The following SERINC5 variants were observed in gnomAD, a reference collection of about 807,000 sequenced individuals.
SERINC5 encodes serine incorporator 5, also known as chromosome 5 open reading frame 12.
Under a neutral mutation model 63.1 loss-of-function variants are expected in SERINC5, and 41 were observed. The ratio of observed to expected loss-of-function variants is 0.65; its 90% CI spans 0.51 to 0.84. The LOEUF (loss-of-function observed/expected upper bound fraction) is 0.84. SERINC5 is among the 40% of genes least tolerant of loss of function. The probability of loss-of-function intolerance (pLI) is 0.00; values close to 1 mark genes in which losing one functional copy is unlikely to be tolerated. For synonymous variants in SERINC5, 222 were observed against 215.2 expected (o/e 1.03, Z -0.28); for missense variants, 523 against 573.0 (o/e 0.91, Z 0.89).
chr5:80,124,803 C>T (rs1213574327), intron 11 of SERINC5, among the ~76,000 whole-genome samples: 1 of 152,154 alleles, frequency 6.6e-6, no homozygotes, highest in Non-Finnish European at 1.5e-5. Context: ...ACTGAACCAC[C>T]TTGGGTCAGG....
intron 2 of SERINC5, among the ~76,000 whole-genome samples, chr5:80,178,509 C>T (rs566619326): frequency 4.6e-4 from 68 of 148,988 alleles, no homozygotes; most frequent in South Asian, 1.1e-3. Context: ...ACTACAGGCA[C>T]GCACCACCAT....
At chr5:80,148,998 T>C (rs1266297339) in intron 9 of SERINC5, among the ~76,000 whole-genome samples, 1 of 152,208 alleles carries the variant, frequency 6.6e-6, no homozygotes, top group Non-Finnish European at 1.5e-5. Flanking sequence ...CTTAGTTATT[T>C]TGAAGTTCAA....
chr5:80,181,556 C>T (rs746947579), intron 2 of SERINC5, among the ~76,000 whole-genome samples: 1 of 152,126 alleles, frequency 6.6e-6, no homozygotes, highest in Non-Finnish European at 1.5e-5. Context: ...AGCCACTGTA[C>T]CTGGCCAGCT....
At chr5:80,245,920 G>A (rs1458711485) in intron 1 of SERINC5, among the ~76,000 whole-genome samples, 5 of 131,408 alleles carry the variant, frequency 3.8e-5, no homozygotes, top group African/African-American at 8.6e-5. Context: ...TGGCCCCAGA[G>A]AATATTTATC....
At chr5:80,253,661 GTC>G (rs1752523568) in intron 1 of SERINC5, among the ~76,000 whole-genome samples, 1 of 152,120 alleles carries the variant, frequency 6.6e-6, no homozygotes, top group Non-Finnish European at 1.5e-5. Flanking sequence ...TCACTGAGCA[GTC>G]TCAACTCCAC....
intron 11 of SERINC5, among the ~76,000 whole-genome samples, chr5:80,131,315 C>G (rs1287569212): frequency 1.3e-5 from 2 of 152,218 alleles, no homozygotes; most frequent in African/African-American, 4.8e-5. Context: ...TGACTTTGCT[C>G]CTCATTCGCC....
chr5:80,116,499 C>T (rs922928778), intron 11 of SERINC5, among the ~76,000 whole-genome samples: 1 of 152,004 alleles, frequency 6.6e-6, no homozygotes, highest in Non-Finnish European at 1.5e-5. Flanking sequence ...CCCTCCTTCC[C>T]CACTCTCCAG....
chr5:80,112,682 C>T (rs1299994652), intron 12 of SERINC5, among the ~76,000 whole-genome samples: 6 of 152,082 alleles, frequency 3.9e-5, no homozygotes, highest in East Asian at 1.9e-4. Flanking sequence ...TGCAATAGCC[C>T]GCGCCTGTAA....
intron 11 of SERINC5, among the ~76,000 whole-genome samples, chr5:80,144,121 G>A (rs1745676514): frequency 6.6e-6 from 1 of 151,838 alleles, no homozygotes; most frequent in Non-Finnish European, 1.5e-5. Context: ...GGTCTCTTGT[G>A]TGTGGCTTTT....
chr5:80,231,323 C>G (rs1236003961), intron 1 of SERINC5, among the ~76,000 whole-genome samples: 1 of 152,218 alleles, frequency 6.6e-6, no homozygotes, highest in African/African-American at 2.4e-5. Flanking sequence ...CCCCATTACT[C>G]AGGAGAACAG....
chr5:80,155,887 G>A (rs562726624), intron 8 of SERINC5, among the ~76,000 whole-genome samples: 3 of 152,234 alleles, frequency 2.0e-5, no homozygotes, highest in East Asian at 1.9e-4. Flanking sequence ...AGAGAAGGCA[G>A]CCCCAGGCAG....
intron 1 of SERINC5, among the ~76,000 whole-genome samples, chr5:80,253,010 C>T (rs116798385): frequency 2.0e-5 from 3 of 152,298 alleles, no homozygotes; most frequent in Middle Eastern, 3.4e-3. Flanking sequence ...TCTAATGTAA[C>T]GAAGCCAAGA....
intron 4 of SERINC5, among the ~76,000 whole-genome samples, chr5:80,176,166 G>A (rs965573400): frequency 1.1e-4 from 17 of 152,132 alleles, no homozygotes; most frequent in African/African-American, 3.9e-4. Flanking sequence ...GCAACAGAGC[G>A]AGACTCTGAC....
At chr5:80,173,724 G>GT (rs1418062197) in intron 5 of SERINC5, among the ~76,000 whole-genome samples, 1 of 151,846 alleles carries the variant, frequency 6.6e-6, no homozygotes, top group African/African-American at 2.4e-5. Flanking sequence ...CCAGCTCCTT[G>GT]CTACCACTTA....
intron 7 of SERINC5, among the ~76,000 whole-genome samples, chr5:80,160,163 G>A (rs947791442): frequency 1.3e-5 from 2 of 152,154 alleles, no homozygotes; most frequent in South Asian, 2.1e-4. Flanking sequence ...TAGAGCATCC[G>A]AATTGGATTG....
At chr5:80,241,841 G>A (rs1354128797) in intron 1 of SERINC5, among the ~76,000 whole-genome samples, 1 of 152,018 alleles carries the variant, frequency 6.6e-6, no homozygotes, top group African/African-American at 2.4e-5. Context: ...GACAAAGATT[G>A]GCTGGGTACA....
downstream of SERINC5, chr5:80,138,648 A>C: frequency 4.8e-6 from 1 of 206,352 alleles, no homozygotes; most frequent in Non-Finnish European, 8.5e-6. Context: ...TGTTCTCAGC[A>C]CAAAAACATG....
intron 11 of SERINC5, chr5:80,114,607 A>T (rs973589799): frequency 6.3e-6 from 1 of 157,768 alleles, no homozygotes; most frequent in Non-Finnish European, 1.4e-5. Context: ...GTGAGCCAAG[A>T]TCATGCCACT....
At chr5:80,197,807 T>C (rs10474011) in intron 2 of SERINC5, among the ~76,000 whole-genome samples, 46,924 of 152,038 alleles carry the variant, frequency 0.31, 7,531 homozygotes, top group African/African-American at 0.34. Flanking sequence ...TTTACTTTCT[T>C]GCCCACTTTT....
Sources: allele counts gnomAD v4.1 joint callset (sites outside exome capture counted in the v4.1 genomes callset), GRCh38; gene constraint gnomAD v4.1.1; transcripts MANE v1.5; gene names NCBI Gene and HGNC (gene_info 2026-07-23, HGNC 2026-07-21).